The following CNTLN variants were observed in gnomAD, a reference collection of about 807,000 sequenced individuals.
The protein encoded by CNTLN is centlein, also known as centlein, centrosomal protein.
Under a neutral mutation model 180.0 loss-of-function variants are expected in CNTLN, and 212 were observed. The ratio of observed to expected loss-of-function variants is 1.18; its 90% CI spans 1.05 to 1.32. CNTLN has a LOEUF of 1.32. Ranked by LOEUF, CNTLN falls within the 40% of genes most tolerant of loss-of-function variation. The pLI is 0.00. For synonymous variants in CNTLN, 722 were observed against 563.1 expected (o/e 1.28, Z -3.99); for missense variants, 2,095 against 1,610.9 (o/e 1.30, Z -5.14).
chr9:17,266,782 C>G (rs1405110876), intron 5 of CNTLN, among the ~76,000 whole-genome samples: 2 of 152,120 alleles, frequency 1.3e-5, no homozygotes, highest in Non-Finnish European at 2.9e-5. Context: ...GATCCCTTTA[C>G]CATTATGTAA....
chr9:17,172,685 G>A (rs1820491359), intron 2 of CNTLN, among the ~76,000 whole-genome samples: 1 of 151,602 alleles, frequency 6.6e-6, no homozygotes, highest in Non-Finnish European at 1.5e-5. Context: ...TTCTAAAATT[G>A]CCTAATTTAA....
chr9:17,463,818 T>C (rs1051096483), intron 20 of CNTLN, among the ~76,000 whole-genome samples: 1 of 151,574 alleles, frequency 6.6e-6, no homozygotes, highest in Non-Finnish European at 1.5e-5. Context: ...AATTTAATAA[T>C]ATTAAATTAG....
intron 18 of CNTLN, among the ~76,000 whole-genome samples, chr9:17,454,464 A>G (rs1418599596): frequency 6.6e-6 from 1 of 152,194 alleles, no homozygotes; most frequent in Non-Finnish European, 1.5e-5. Flanking sequence ...GAGGGATCCT[A>G]GATTGATTCT....
At chr9:17,426,855 A>C (rs1829115355) in intron 18 of CNTLN, among the ~76,000 whole-genome samples, 1 of 152,058 alleles carries the variant, frequency 6.6e-6, no homozygotes, top group African/African-American at 2.4e-5. Flanking sequence ...GCATTCATCC[A>C]GACTACACTA....
At chr9:17,162,772 A>G (rs1819773912) in intron 2 of CNTLN, among the ~76,000 whole-genome samples, 1 of 152,324 alleles carries the variant, frequency 6.6e-6, no homozygotes, top group South Asian at 2.1e-4. Context: ...AACAGTTACC[A>G]TAAAGTCAGT....
At chr9:17,521,978 T>C in the CNTLN span, among the ~76,000 whole-genome samples, 155 of 152,282 alleles carry the variant, frequency 1.0e-3, 1 homozygote, top group African/African-American at 3.5e-3. Context: ...TATTATTTTC[T>C]ATCATATTGG....
At chr9:17,447,667 A>G (rs1830524146) in intron 18 of CNTLN, 1 of 153,804 alleles carries the variant, frequency 6.5e-6, no homozygotes, top group African/African-American at 2.4e-5. Context: ...TGAAGCTTAT[A>G]TCCCTTGTAG....
At chr9:17,490,507 T>C (rs892805422) in intron 25 of CNTLN, among the ~76,000 whole-genome samples, 2 of 152,122 alleles carry the variant, frequency 1.3e-5, no homozygotes, top group African/African-American at 2.4e-5. Context: ...TTACATACTT[T>C]ATGATTCCAT....
intron 23 of CNTLN, among the ~76,000 whole-genome samples, chr9:17,478,356 T>C (rs1256327338): frequency 1.3e-5 from 2 of 152,196 alleles, no homozygotes; most frequent in Non-Finnish European, 2.9e-5. Flanking sequence ...TCTTCCATTG[T>C]GTAGGTTGCC....
In CNTLN at chr9:17,271,681, G is replaced by A. The variant is rs187189091; in HGVS notation, c.850-2052G>A. 2.4e-3 allele frequency among the ~76,000 whole-genome samples: 369 copies of A among 152,086 alleles called. 2 individuals are homozygous for A. Among genetic ancestry groups the A allele is most frequent in the African/African-American group, 8.5e-3 (353 of 41,498 alleles). ...CTTTGCTCCCAGGCCATATCCCTAC[G>A]AGAGATCTTTAATTCCTGTTTTTAT... On this transcript the variant is annotated intron_variant, in intron 5 of 25. Transcript: ENST00000380647.
At chr9:17,262,901 G>A (rs186503096) in intron 5 of CNTLN, among the ~76,000 whole-genome samples, 70 of 151,262 alleles carry the variant, frequency 4.6e-4, no homozygotes, top group Non-Finnish European at 5.3e-4. Flanking sequence ...CTAGTTTGTC[G>A]AGAGTTTTTA....
intron 13 of CNTLN, among the ~76,000 whole-genome samples, chr9:17,372,391 TATACAC>T (rs1292360102): frequency 6.6e-6 from 1 of 152,104 alleles, no homozygotes; most frequent in Non-Finnish European, 1.5e-5. Context: ...GATAAATTCT[TATACAC>T]ATACAACCTA....
intron 10 of CNTLN, among the ~76,000 whole-genome samples, chr9:17,333,177 A>AT (rs879753522): frequency 1.3e-5 from 2 of 152,022 alleles, no homozygotes; most frequent in African/African-American, 2.4e-5. Flanking sequence ...ATATATATAT[A>AT]TTTTTTCATT....
At chr9:17,404,193 A>G (rs1827198475) in intron 15 of CNTLN, among the ~76,000 whole-genome samples, 1 of 151,850 alleles carries the variant, frequency 6.6e-6, no homozygotes, top group African/African-American at 2.4e-5. Context: ...GTAGATGATC[A>G]ATAGGCTCCG....
intron 5 of CNTLN, among the ~76,000 whole-genome samples, chr9:17,267,653 C>G (rs1005763856): frequency 3.0e-4 from 46 of 152,256 alleles, no homozygotes; most frequent in South Asian, 2.5e-3. Flanking sequence ...TGGTTCCATT[C>G]TCCCCGACAC....
intron 2 of CNTLN, among the ~76,000 whole-genome samples, chr9:17,171,817 G>A (rs1392140203): frequency 1.3e-5 from 2 of 152,126 alleles, no homozygotes; most frequent in African/African-American, 2.4e-5. Context: ...GTGGTTATGT[G>A]CAAAGTTATA....
intron 5 of CNTLN, among the ~76,000 whole-genome samples, chr9:17,248,549 ATAAT>A (rs1362531841): frequency 2.2e-4 from 32 of 146,390 alleles, no homozygotes; most frequent in Middle Eastern, 7.2e-3. Context: ...AATATATTTA[ATAAT>A]TTATTATATA....
intron 10 of CNTLN, among the ~76,000 whole-genome samples, chr9:17,335,482 A>C (rs10481559): frequency 0.59 from 90,222 of 151,908 alleles, 27,061 homozygotes; most frequent in East Asian, 0.73. Context: ...GTACCACTGC[A>C]CTCCAGCCTG....
intron 7 of CNTLN, among the ~76,000 whole-genome samples, chr9:17,308,133 G>A (rs1818860752): frequency 6.6e-6 from 1 of 151,900 alleles, no homozygotes; most frequent in South Asian, 2.1e-4. Flanking sequence ...TTATACATTA[G>A]GATCAAGTTC....
Sources: allele counts gnomAD v4.1 joint callset (sites outside exome capture counted in the v4.1 genomes callset), GRCh38; gene constraint gnomAD v4.1.1; transcripts MANE v1.5; gene names NCBI Gene and HGNC (gene_info 2026-07-23, HGNC 2026-07-21).